The following CNTNAP2 variants were observed in gnomAD, a reference collection of about 807,000 sequenced individuals.
CNTNAP2 encodes contactin-associated protein-like 2.
In CNTNAP2, 98 loss-of-function variants were observed where a neutral mutation model predicts 155.2. The observed-to-expected ratio is 0.63, with a 90% CI of 0.54 to 0.75. The LOEUF (loss-of-function observed/expected upper bound fraction) is 0.75, where lower values mean the gene tolerates loss of function less well. Among genes scored for constraint, CNTNAP2 ranks in the 30% least tolerant of loss-of-function variants. The probability of loss-of-function intolerance (pLI) is 0.00; values close to 1 mark genes in which losing one functional copy is unlikely to be tolerated. For missense variants in CNTNAP2, 1,727 were observed against 1,688.1 expected (o/e 1.02, Z -0.40); for synonymous variants, 651 against 631.2 (o/e 1.03, Z -0.47).
At chr7:147,914,017 T>A (rs1039291136) in intron 14 of CNTNAP2, among the ~76,000 whole-genome samples, 2 of 151,582 alleles carry the variant, frequency 1.3e-5, no homozygotes, top group African/African-American at 4.9e-5. Flanking sequence ...AAAAAAAATA[T>A]ATGTTCTAAG....
chr7:146,391,930 A>AC (rs1795550347), intron 1 of CNTNAP2, among the ~76,000 whole-genome samples: 2 of 152,062 alleles, frequency 1.3e-5, no homozygotes, highest in South Asian at 4.1e-4. Flanking sequence ...GTACAACAAA[A>AC]CCCCATGAAA....
intron 15 of CNTNAP2, among the ~76,000 whole-genome samples, chr7:148,108,944 GAATTTATAC>G (rs1248246471): frequency 1.3e-5 from 2 of 152,228 alleles, no homozygotes; most frequent in African/African-American, 4.8e-5. Flanking sequence ...TGTACCCCAT[GAATTTATAC>G]AATTATACAT....
At chr7:146,724,994 C>G (rs1801406229) in intron 1 of CNTNAP2, among the ~76,000 whole-genome samples, 1 of 152,080 alleles carries the variant, frequency 6.6e-6, no homozygotes, top group South Asian at 2.1e-4. Flanking sequence ...GTCTGCAACC[C>G]AGATGTTGGC....
chr7:147,167,593 G>C, intron 8 of CNTNAP2: 1 of 754,448 alleles, frequency 1.3e-6, no homozygotes, highest in East Asian at 2.9e-5. Context: ...TGAAGCTGGA[G>C]CCCAGCATCA....
intron 15 of CNTNAP2, among the ~76,000 whole-genome samples, chr7:148,052,961 C>T (rs1802921968): frequency 1.3e-5 from 2 of 152,076 alleles, no homozygotes; most frequent in South Asian, 2.1e-4. Flanking sequence ...CCAGGAGAAT[C>T]GCTTGAAACC....
chr7:146,825,465 G>C (rs1386350627), intron 2 of CNTNAP2, among the ~76,000 whole-genome samples: 2 of 152,100 alleles, frequency 1.3e-5, no homozygotes, highest in Non-Finnish European at 2.9e-5. Flanking sequence ...GGGAAGATCA[G>C]AGCACTCATA....
At chr7:148,206,023 T>A (rs1272070824) in intron 18 of CNTNAP2, among the ~76,000 whole-genome samples, 1 of 151,882 alleles carries the variant, frequency 6.6e-6, no homozygotes, top group East Asian at 1.9e-4. Context: ...TATAGGCATA[T>A]ACACACACAT....
intron 1 of CNTNAP2, among the ~76,000 whole-genome samples, chr7:146,445,210 AC>A (rs1252341869): frequency 6.6e-6 from 1 of 152,220 alleles, no homozygotes; most frequent in Admixed American, 6.5e-5. Flanking sequence ...TGTAATAAAT[AC>A]TGCAGTAAAT....
chr7:147,639,421 G>A (rs1795239222), intron 13 of CNTNAP2, 115 bp downstream of exon 13: 4 of 959,492 alleles, frequency 4.2e-6, no homozygotes, highest in Middle Eastern at 2.2e-4. Flanking sequence ...CAGTAGGAAG[G>A]AAGCTGTAAA....
At chr7:147,969,848 G>A (rs1368245063) in intron 14 of CNTNAP2, among the ~76,000 whole-genome samples, 2 of 151,812 alleles carry the variant, frequency 1.3e-5, no homozygotes, top group African/African-American at 4.8e-5. Flanking sequence ...TCTTATTTCT[G>A]GGTAAAGTCT....
intron 21 of CNTNAP2, chr7:148,339,672 C>T (rs1371201278): frequency 6.6e-6 from 1 of 152,296 alleles, no homozygotes; most frequent in East Asian, 1.9e-4. Flanking sequence ...CATGGAGCTG[C>T]CTCCCGGTGC....
chr7:146,774,366 A>G lies in CNTNAP2; in HGVS notation c.193A>G (p.Ile65Val). 6.2e-7 allele frequency: 1 copy of G among 1,613,896 alleles called. No homozygotes were observed. The change falls in exon 2 of 24, where the codon ATA (isoleucine) becomes GTA (valine). Residue 65 changes from isoleucine to valine, a missense_variant. Ile to Val is a conservative substitution (Grantham distance 29, BLOSUM62 3). Coordinates refer to ENST00000361727, the MANE Select transcript of CNTNAP2 (RefSeq NM_014141.6). ...TAGCTATTCTCCCGGCTATGCCAAG[A>G]TAAACAAGAGAGGAGGTAAGCCAAA... ...SGSYSPGYAK[I>V]NKRGGAGGWS...
chr7:147,892,634 CTT>C (rs1378218364), intron 13 of CNTNAP2, among the ~76,000 whole-genome samples: 2 of 152,174 alleles, frequency 1.3e-5, no homozygotes. Context: ...TTGAATAAGA[CTT>C]AAAGTGATTT....
intron 10 of CNTNAP2, among the ~76,000 whole-genome samples, chr7:147,433,549 A>G (rs549914332): frequency 1.6e-4 from 25 of 152,350 alleles, no homozygotes; most frequent in African/African-American, 5.8e-4. Flanking sequence ...CTTTCAGGCA[A>G]AAGTGTTGAT....
intron 18 of CNTNAP2, among the ~76,000 whole-genome samples, chr7:148,186,185 T>C (rs1293205910): frequency 6.6e-6 from 1 of 152,244 alleles, no homozygotes; most frequent in Non-Finnish European, 1.5e-5. Flanking sequence ...GAAAGGACTA[T>C]TTCATTCATT....
chr7:148,237,794 C>T (rs1447159921), intron 20 of CNTNAP2, among the ~76,000 whole-genome samples: 2 of 152,164 alleles, frequency 1.3e-5, no homozygotes, highest in Non-Finnish European at 2.9e-5. Flanking sequence ...TGTTAATTGA[C>T]GTGAAACATT....
chr7:147,343,539 T>G (rs1795798308), intron 9 of CNTNAP2, among the ~76,000 whole-genome samples: 1 of 152,196 alleles, frequency 6.6e-6, no homozygotes. Context: ...CTTTATTTAC[T>G]TTTATTTTCC....
At chr7:148,130,477 G>A (rs925464446) in intron 16 of CNTNAP2, among the ~76,000 whole-genome samples, 1 of 152,160 alleles carries the variant, frequency 6.6e-6, no homozygotes, top group East Asian at 1.9e-4. Flanking sequence ...CCTCTATCCT[G>A]ATAACCACCC....
intron 21 of CNTNAP2, among the ~76,000 whole-genome samples, chr7:148,283,304 AAAGG>A (rs142651719): frequency 0.028 from 2,483 of 89,268 alleles, 202 homozygotes; most frequent in Middle Eastern, 0.045. Flanking sequence ...AGAAAGAAAG[AAAGG>A]AAGGAAGGAA....
Sources: allele counts gnomAD v4.1 joint callset (sites outside exome capture counted in the v4.1 genomes callset), GRCh38; gene constraint gnomAD v4.1.1; transcripts MANE v1.5; gene names NCBI Gene and HGNC (gene_info 2026-07-23, HGNC 2026-07-21).